Variants in CRCT1 observed in about 807,000 individuals in gnomAD.
CRCT1 encodes the protein cysteine-rich C-terminal protein 1.
For missense variants in CRCT1, 160 were observed against 136.3 expected, an observed-to-expected ratio of 1.17 and a Z score of -0.87; for synonymous variants, 86 against 60.3, an observed-to-expected ratio of 1.43 and a Z score of -1.98.
chr1:152,515,078 T>G (rs1445997096), intron 1 of CRCT1, among the ~76,000 whole-genome samples: 1 of 152,210 alleles, frequency 6.6e-6, no homozygotes, highest in Non-Finnish European at 1.5e-5. Context: ...CGCAGTGTGC[T>G]GTTTATTTTC....
chr1:152,515,928 C>G lies in CRCT1; in HGVS notation c.*245C>G. ...GGACCCTACTGTCTACACGGGCTTG[C>G]ACACAGCAGGTGCTCAGCAAATGTC... On this transcript the variant is annotated 3_prime_UTR_variant, in exon 2 of 2. Coordinates refer to ENST00000368790, the MANE Select transcript of CRCT1 (RefSeq NM_019060.3). 1 of 493,516 alleles carries G rather than the reference C, an allele frequency of 2.0e-6. No individual in the cohort carries two copies. The highest frequency in any genetic ancestry group is 6.9e-5 in the South Asian group (1 of 14,492). 30.6% of individuals were successfully genotyped at this position (493,516 alleles called of 1,614,324 possible). A position where few individuals can be genotyped will look rare whatever the true frequency, so the allele number is the denominator to read the frequency against.
intron 1 of CRCT1, 28 bp from the exon 2 acceptor site, chr1:152,515,334 C>T (rs768947954): frequency 1.9e-5 from 28 of 1,475,484 alleles, no homozygotes; most frequent in Middle Eastern, 2.0e-4. Flanking sequence ...AAAGCCGGCT[C>T]GCCTTTGAAA....
Position 152,515,518 on chromosome 1 carries a change from C to T in CRCT1, c.135C>T (p.Gly45=), listed in dbSNP as rs1165299166. 2.5e-6 allele frequency: 4 copies of T among 1,597,072 alleles called. No individual in the cohort carries two copies. In the Admixed American group the frequency reaches 6.7e-5, roughly 27 times the overall value. ...SSSSCCGSGR[G]CCGDSGCCGS... is the part of the protein sequence containing the mutation. ...CCTCCTGCTGCGGCTCCGGCAGGGG[C>T]TGCTGCGGCGACTCAGGCTGCTGCG... Residue 45 remains glycine (G), a synonymous_variant, in exon 2 of 2, where the codon GGC becomes GGT. Coordinates refer to ENST00000368790, the MANE Select transcript of CRCT1 (RefSeq NM_019060.3).
chr1:152,515,218 G>C lies in CRCT1; in HGVS notation c.-22-144G>C, dbSNP rs544282279. 5.2e-4 allele frequency: 311 copies of C among 601,562 alleles called. 8 individuals are homozygous for C. In the South Asian group the frequency reaches 8.4e-3, roughly 16 times the overall value. 37.3% of individuals were successfully genotyped at this position (601,562 alleles called of 1,614,324 possible). A position where few individuals can be genotyped will look rare whatever the true frequency, so the allele number is the denominator to read the frequency against. The stretch of plus-strand genomic sequence containing the variant: ...AACACCTGCTTGGATTTGCTTCTTT[G>C]CGTCCGCTCTTTCTGGGTGCTTTTC... On this transcript the variant is annotated intron_variant, in intron 1 of 1. Coordinates refer to ENST00000368790, the MANE Select transcript of CRCT1 (RefSeq NM_019060.3).
In CRCT1 at chr1:152,515,782, G is replaced by GCC. The variant is rs1399607793; in HGVS notation, c.*102_*103dup. ...CACGCGGGGCTGGGCCTCGGAGTTT[G>GCC]CCCCGTAAAGCGAATTGCACTTTGA... On this transcript the variant is annotated 3_prime_UTR_variant, in exon 2 of 2. Coordinates refer to ENST00000368790, the MANE Select transcript of CRCT1 (RefSeq NM_019060.3). 1.4e-6 allele frequency: 2 copies of GCC among 1,416,132 alleles called. No homozygotes were observed. The highest frequency in any genetic ancestry group is 3.0e-5 in the African/African-American group (2 of 66,422). 87.7% of individuals were successfully genotyped at this position (1,416,132 alleles called of 1,614,324 possible).
intron 1 of CRCT1, among the ~76,000 whole-genome samples, chr1:152,514,981 T>C (rs1658707663): frequency 6.6e-6 from 1 of 152,060 alleles, no homozygotes; most frequent in South Asian, 2.1e-4. Flanking sequence ...ACTAGGAAGA[T>C]ACAGTCGAAG....
chr1:152,515,724 C>T lies in CRCT1; in HGVS notation c.*41C>T, dbSNP rs1025434671. 2.1e-6 allele frequency: 3 copies of T among 1,431,388 alleles called. No homozygotes were observed. Among genetic ancestry groups the T allele is most frequent in the Non-Finnish European group, 2.7e-6 (3 of 1,092,602 alleles). The allele number at this position is 1,431,388 out of a possible 1,614,324, so 88.7% of individuals were successfully genotyped here. ...CAGCGCTGCGCTAGAGAAACCCGCC[C>T]AGCCCAGAGCGGGCCCGCCCCGCTG... is the stretch of plus-strand genomic sequence containing the variant. On this transcript the variant is annotated 3_prime_UTR_variant, in exon 2 of 2. Coordinates refer to ENST00000368790, the MANE Select transcript of CRCT1 (RefSeq NM_019060.3).
chr1:152,515,324 A>G, intron 1 of CRCT1, 38 bp from the exon 2 acceptor site: 2 of 1,469,536 alleles, frequency 1.4e-6, no homozygotes, highest in Non-Finnish European at 1.8e-6. Context: ...GTGGAAAGAA[A>G]AAGCCGGCTC....
chr1:152,514,752 A>T (rs1201450470), intron 1 of CRCT1, among the ~76,000 whole-genome samples, 200 bp downstream of exon 1: 1 of 152,218 alleles, frequency 6.6e-6, no homozygotes, highest in Non-Finnish European at 1.5e-5. Flanking sequence ...GTACACAGCA[A>T]GTCCGCAGAA....
Position 152,515,805 on chromosome 1 carries a change from T to C in CRCT1, c.*122T>C. The C allele has an allele frequency of 7.2e-7, 1 of 1,393,818 alleles. No individual in the cohort carries two copies. Among genetic ancestry groups the C allele is most frequent in the Non-Finnish European group, 9.4e-7 (1 of 1,066,996 alleles). 86.3% of individuals were successfully genotyped at this position (1,393,818 alleles called of 1,614,324 possible). A position where few individuals can be genotyped will look rare whatever the true frequency, so the allele number is the denominator to read the frequency against. The stretch of plus-strand genomic sequence containing the variant: ...TTGCCCCGTAAAGCGAATTGCACTT[T>C]GATGTTCAGAAACCCACTTTGTTCT... On this transcript the variant is annotated 3_prime_UTR_variant, in exon 2 of 2. Transcript: ENST00000368790.
chr1:152,515,272 T>C, intron 1 of CRCT1, 90 bp from the exon 2 acceptor site: 2 of 1,160,472 alleles, frequency 1.7e-6, no homozygotes, highest in Admixed American at 2.7e-5. Context: ...GGCTGACTTG[T>C]ACACTAAGCC....
At chr1:152,515,246 T>A in intron 1 of CRCT1, 116 bp from the exon 2 acceptor site, 2 of 859,968 alleles carry the variant, frequency 2.3e-6, no homozygotes, top group Non-Finnish European at 3.4e-6. Context: ...TGCTTTTCCC[T>A]CCTTGTCCCA....
rs1429960124 is a variant in CRCT1 at position 152,515,870 on chromosome 1, C to A, written c.*187C>A. 1.9e-6 allele frequency: 2 copies of A among 1,045,086 alleles called. No individual in the cohort carries two copies. Among genetic ancestry groups the A allele is most frequent in the African/African-American group, 1.7e-5 (1 of 59,150 alleles). The allele number at this position is 1,045,086 out of a possible 1,614,324, so 64.7% of individuals were successfully genotyped here. On this transcript the variant is annotated 3_prime_UTR_variant, in exon 2 of 2. Coordinates refer to ENST00000368790, the MANE Select transcript of CRCT1 (RefSeq NM_019060.3). ...TCCCTGACCCCGATGTGATTTTTCT[C>A]CCCGGGGATTCGAGAGCCATGCGTG... is the stretch of plus-strand genomic sequence containing the variant.
Position 152,515,650 on chromosome 1 carries a change from C to A in CRCT1, c.267C>A (p.Asn89Lys), listed in dbSNP as rs772557850. The A allele has an allele frequency of 1.3e-5, 20 of 1,568,612 alleles. No homozygotes were observed. The highest frequency in any genetic ancestry group is 1.3e-5 in the Non-Finnish European group (15 of 1,159,282). Residue 89 changes from asparagine (N) to lysine (K), a missense_variant, in exon 2 of 2, where the codon AAC becomes AAA. Physicochemically the swap from Asn to Lys is moderately conservative, Grantham distance 94 (BLOSUM62 0). Transcript: ENST00000368790. ...GGGSQRSQRS[N>K]NRSSGCCSGC ...GCAGCCAGAGGTCCCAGCGCTCCAA[C>A]AACCGGAGCTCAGGATGCTGCTCCG...
In CRCT1 at chr1:152,515,392, T is replaced by C. The variant is rs1197904775; in HGVS notation, c.9T>C (p.Ser3=). 1.2e-5 allele frequency: 18 copies of C among 1,545,880 alleles called. No homozygotes were observed. The Admixed American group carries it at 3.6e-4, about 31-fold the overall frequency. Reference sequence around the variant, plus strand: ...TCGTGAGGAGCTCCGCGATGTCCTCTCAACAGAGCGCCGTTTCCGCCAAAG... The same window carrying C: ...TCGTGAGGAGCTCCGCGATGTCCTCCCAACAGAGCGCCGTTTCCGCCAAAG... MS[S]QQSAVSAKGF... The change falls in exon 2 of 2, where the codon TCT becomes TCC. Residue 3 remains serine, a synonymous_variant. Coordinates refer to ENST00000368790, the MANE Select transcript of CRCT1 (RefSeq NM_019060.3).
In CRCT1 at chr1:152,514,484, T is replaced by A. The variant is rs911203485; in HGVS notation, c.-91T>A. On this transcript the variant is annotated 5_prime_UTR_variant, in exon 1 of 2. Coordinates refer to ENST00000368790, the MANE Select transcript of CRCT1 (RefSeq NM_019060.3). ...GGTTCTCTGGCTGGACGCTGCTCAATCCACTGCCTAGCAGGTGGCCCATTC... is the reference window on the plus strand; with the variant it reads ...GGTTCTCTGGCTGGACGCTGCTCAAACCACTGCCTAGCAGGTGGCCCATTC... 6.6e-6 allele frequency: 1 copy of A among 152,156 alleles called. No individual in the cohort carries two copies. Among genetic ancestry groups the A allele is most frequent in the Non-Finnish European group, 1.5e-5 (1 of 68,066 alleles). The allele number at this position is 152,156 out of a possible 1,614,324, so 9.4% of individuals were successfully genotyped here. A position where few individuals can be genotyped will look rare whatever the true frequency, so the allele number is the denominator to read the frequency against.
chr1:152,515,527 C>T lies in CRCT1; in HGVS notation c.144C>T (p.Gly48=). 1.3e-6 allele frequency: 2 copies of T among 1,596,620 alleles called. No homozygotes were observed. The highest frequency in any genetic ancestry group is 1.7e-6 in the Non-Finnish European group (2 of 1,176,726). ...SCCGSGRGCC[G]DSGCCGSSST... is the part of the protein sequence containing the mutation. Reference sequence around the variant, plus strand: ...GCGGCTCCGGCAGGGGCTGCTGCGGCGACTCAGGCTGCTGCGGCTCCAGCT... The same window carrying T: ...GCGGCTCCGGCAGGGGCTGCTGCGGTGACTCAGGCTGCTGCGGCTCCAGCT... Residue 48 remains glycine, a synonymous_variant, in exon 2 of 2, where the codon GGC becomes GGT. Coordinates refer to ENST00000368790, the MANE Select transcript of CRCT1 (RefSeq NM_019060.3).
At chr1:152,514,730 G>A (rs1658699723) in intron 1 of CRCT1, among the ~76,000 whole-genome samples, 178 bp downstream of exon 1, 1 of 152,176 alleles carries the variant, frequency 6.6e-6, no homozygotes, top group South Asian at 2.1e-4. Context: ...ATAGGAGGTG[G>A]TTTTTGCAAG....
Position 152,515,471 on chromosome 1 carries a change from A to ACCCCGGCGCCCG in CRCT1, c.91_102dup (p.Pro31_Ala34dup). The ACCCCGGCGCCCG allele has an allele frequency of 6.3e-7, 1 of 1,597,570 alleles. No individual in the cohort carries two copies. Among genetic ancestry groups the ACCCCGGCGCCCG allele is most frequent in the Non-Finnish European group, 8.5e-7 (1 of 1,175,148 alleles). ...CGCTCCGTGTCCCGCCCCGGCGCCC[A>ACCCCGGCGCCCG]CCCCGGCGCCCGCCTCCTCCTCCTC... On this transcript the variant is annotated inframe_insertion, in exon 2 of 2. Coordinates refer to ENST00000368790, the MANE Select transcript of CRCT1 (RefSeq NM_019060.3).
Sources: allele counts gnomAD v4.1 joint callset (sites outside exome capture counted in the v4.1 genomes callset), GRCh38; gene constraint gnomAD v4.1.1; transcripts MANE v1.5; gene names NCBI Gene and HGNC (gene_info 2026-07-23, HGNC 2026-07-21).